Variants in PAQR3 observed in about 807,000 individuals in gnomAD.
The protein encoded by PAQR3 is Raf kinase trapping to Golgi.
A neutral mutation model predicts 41.7 loss-of-function variants in PAQR3; 39 were observed. The observed-to-expected ratio is 0.93, with a 90% CI of 0.72 to 1.22. The LOEUF is 1.22. Among genes scored for constraint, PAQR3 ranks in the 50% most tolerant of loss-of-function variants. PAQR3 has a pLI of 0.00. For missense variants in PAQR3, 366 were observed against 385.6 expected (o/e 0.95, Z 0.42); for synonymous variants, 140 against 140.6 (o/e 1.00, Z 0.03).
chr4:78,933,161 C>G (rs572916660), intron 2 of PAQR3: 5 of 456,232 alleles, frequency 1.1e-5, no homozygotes, highest in African/African-American at 1.0e-4. Context: ...TTCTGCACAC[C>G]TACGAGTGGC....
chr4:78,935,041 G>T, intron 2 of PAQR3, 80 bp downstream of exon 2: 1 of 1,376,574 alleles, frequency 7.3e-7, no homozygotes, highest in Non-Finnish European at 1.0e-6. Context: ...CAAGTGGTAG[G>T]TCTGAGGTAA....
chr4:78,925,161 TAAGATTTCTGAATACAAAAA>T (rs940955226), intron 4 of PAQR3, among the ~76,000 whole-genome samples: 37 of 152,128 alleles, frequency 2.4e-4, no homozygotes, highest in African/African-American at 8.9e-4. Context: ...CTTTCCATTT[TAAGATTTCTGAATACAAAAA>T]AAAAATCCCT....
intron 11 of PAQR3, among the ~76,000 whole-genome samples, chr4:78,902,912 G>A (rs546322308): frequency 6.6e-6 from 1 of 152,126 alleles, no homozygotes; most frequent in Admixed American, 6.6e-5. Context: ...TTAAAATAGT[G>A]TGGCATTAAC....
chr4:78,909,473 T>C (rs1226327459), downstream of PAQR3, among the ~76,000 whole-genome samples: 1 of 152,200 alleles, frequency 6.6e-6, no homozygotes. Context: ...TATCATGGCC[T>C]TAGAGGACCT....
chr4:78,906,913 G>A (rs1235639241), downstream of PAQR3, among the ~76,000 whole-genome samples: 1 of 152,082 alleles, frequency 6.6e-6, no homozygotes, highest in African/African-American at 2.4e-5. Flanking sequence ...TGGTGACCTT[G>A]TCAGGATTAT....
downstream of PAQR3, among the ~76,000 whole-genome samples, chr4:78,906,918 G>A (rs900713075): frequency 1.3e-5 from 2 of 152,102 alleles, no homozygotes; most frequent in Non-Finnish European, 2.9e-5. Context: ...ACCTTGTCAG[G>A]ATTATTATTG....
intron 11 of PAQR3, among the ~76,000 whole-genome samples, chr4:78,903,130 C>G (rs1734103563): frequency 6.6e-6 from 1 of 151,952 alleles, no homozygotes; most frequent in South Asian, 2.1e-4. Context: ...CAATACCTTG[C>G]TGAATGAATT....
Position 78,918,560 on chromosome 4 carries a change from C to CA in PAQR3, c.*1978dup, listed in dbSNP as rs547735682. 38 of 975,702 alleles carry CA rather than the reference C, an allele frequency of 3.9e-5. No homozygotes were observed. In the African/African-American group the frequency reaches 6.3e-4, roughly 16 times the overall value. The allele number at this position is 975,702 out of a possible 1,614,324, so 60.4% of individuals were successfully genotyped here. On this transcript the variant is annotated 3_prime_UTR_variant, in exon 6 of 6. Coordinates refer to ENST00000512733, the MANE Select transcript of PAQR3 (RefSeq NM_001040202.2). Reference sequence around the variant, plus strand: ...TGTTTACATGGAATAATTTTCCCTACAGAAAGACCTGTACACCCTTTAAAT... The same window carrying CA: ...TGTTTACATGGAATAATTTTCCCTACAAGAAAGACCTGTACACCCTTTAAAT...
At chr4:78,938,523 A>AC (rs1309433939) in intron 1 of PAQR3, among the ~76,000 whole-genome samples, 6 of 152,124 alleles carry the variant, frequency 3.9e-5, no homozygotes, top group Non-Finnish European at 5.9e-5. Flanking sequence ...TACCCAGGCT[A>AC]CACCTTAGTA....
At position 78,913,669 on chromosome 4, in the gene PAQR3, A is replaced by G. The variant is rs1420938405; in HGVS notation, c.*6870T>C. On this transcript the variant is annotated 3_prime_UTR_variant, in exon 6 of 6. Transcript: ENST00000512733. ...CCCCAATGGGATAAGCTATTTGCCT[A>G]TTTTCACAGTTCTGAACTTGGAAAG... 1.3e-5 allele frequency: 2 copies of G among 152,144 alleles called. No homozygotes were observed. The highest frequency in any genetic ancestry group is 6.5e-5 in the Admixed American group (1 of 15,272). The allele number at this position is 152,144 out of a possible 1,614,324, so 9.4% of individuals were successfully genotyped here. A position where few individuals can be genotyped will look rare whatever the true frequency, so the allele number is the denominator to read the frequency against.
At chr4:78,923,324 T>C (rs1735850416) in intron 5 of PAQR3, among the ~76,000 whole-genome samples, 1 of 152,020 alleles carries the variant, frequency 6.6e-6, no homozygotes, top group Non-Finnish European at 1.5e-5. Context: ...TCACTTCTTT[T>C]CACTATCTTT....
chr4:78,938,560 G>GC (rs912747151), intron 1 of PAQR3, among the ~76,000 whole-genome samples: 23 of 151,996 alleles, frequency 1.5e-4, no homozygotes, highest in African/African-American at 4.4e-4. Flanking sequence ...GGCCATGTTT[G>GC]CTTTTTTTTC....
At chr4:78,931,291 G>A (rs1354858977) in intron 2 of PAQR3, among the ~76,000 whole-genome samples, 1 of 151,578 alleles carries the variant, frequency 6.6e-6, no homozygotes, top group African/African-American at 2.4e-5. Context: ...TTGGGAGATC[G>A]AGGCTGCAGT....
At chr4:78,937,891 A>C (rs1392069859) in intron 1 of PAQR3, among the ~76,000 whole-genome samples, 1 of 152,208 alleles carries the variant, frequency 6.6e-6, no homozygotes, top group Non-Finnish European at 1.5e-5. Flanking sequence ...ATTCTTGTGG[A>C]ACTCCAGATC....
At position 78,926,529 on chromosome 4, in the gene PAQR3, T is replaced by A. The variant is rs759288681; in HGVS notation, c.694A>T (p.Ile232Phe). ...VWLNGGIGAPIVQDFAPRVIV... is the reference protein window; with the variant it reads ...VWLNGGIGAPFVQDFAPRVIV... ...AACTACACTCAACCTACCTGTACAA[T>A]AGGAGCACCAATTCCTCCATTGAGC... Residue 232 changes from isoleucine to phenylalanine, a missense_variant, in exon 4 of 6, where the codon ATT becomes TTT. Coordinates refer to ENST00000512733, the MANE Select transcript of PAQR3 (RefSeq NM_001040202.2). 1 of 1,607,586 alleles carries A rather than the reference T, an allele frequency of 6.2e-7. No homozygotes were observed.
Position 78,920,532 on chromosome 4 carries a change from A to G in PAQR3, c.*7T>C, listed in dbSNP as rs749650552. 5.6e-6 allele frequency: 9 copies of G among 1,605,602 alleles called. No individual in the cohort carries two copies. Among genetic ancestry groups the G allele is most frequent in the Non-Finnish European group, 6.8e-6 (8 of 1,175,966 alleles). The stretch of plus-strand genomic sequence containing the variant: ...ACAACTGAATTCACCAGGTGGCCAT[A>G]CCTAATTCACAAATGTGAAACATAG... On this transcript the variant is annotated 3_prime_UTR_variant, in exon 6 of 6. Transcript: ENST00000512733.
At chr4:78,911,041 C>G (rs139297317), downstream of PAQR3, 382 of 1,613,840 alleles carry the variant, frequency 2.4e-4, 1 homozygote, top group African/African-American at 4.7e-3. Flanking sequence ...AACCCAAGAT[C>G]TTAATACAAT....
rs1735254440 is a variant in PAQR3, at chr4:78,918,015, C to T, written c.*2524G>A. On this transcript the variant is annotated 3_prime_UTR_variant, in exon 6 of 6. Transcript: ENST00000512733. ...TACTGAATTGCAGTTAGTGTAATAA[C>T]AAAAAAAGACAAGCACTGTCTTGCT... is the stretch of plus-strand genomic sequence containing the variant. 1 of 981,050 alleles carries T rather than the reference C, an allele frequency of 1.0e-6. No individual in the cohort carries two copies. Among genetic ancestry groups the T allele is most frequent in the Non-Finnish European group, 1.2e-6 (1 of 825,914 alleles). The allele number at this position is 981,050 out of a possible 1,614,324, so 60.8% of individuals were successfully genotyped here.
At position 78,914,338 on chromosome 4, in the gene PAQR3, A is replaced by C. The variant is rs1251384849; in HGVS notation, c.*6201T>G. 1 of 152,122 alleles carries C rather than the reference A, an allele frequency of 6.6e-6. No individual in the cohort carries two copies. The highest frequency in any genetic ancestry group is 2.1e-4 in the South Asian group (1 of 4,836). The allele number at this position is 152,122 out of a possible 1,614,324, so 9.4% of individuals were successfully genotyped here. A position where few individuals can be genotyped will look rare whatever the true frequency, so the allele number is the denominator to read the frequency against. On this transcript the variant is annotated 3_prime_UTR_variant, in exon 6 of 6. Coordinates refer to ENST00000512733, the MANE Select transcript of PAQR3 (RefSeq NM_001040202.2). ...GACAGCATAAAATATTTACATTCTT[A>C]TAACACAGCACAGTGACTTTCTTCT...
Sources: gnomAD v4.1 joint callset for allele counts (sites outside exome capture counted in the v4.1 genomes callset) on GRCh38, gnomAD v4.1.1 for gene constraint, MANE v1.5 for transcripts, NCBI Gene and HGNC (gene_info 2026-07-23, HGNC 2026-07-21) for gene names.